CALN1: variants seen among roughly 807,000 people sequenced by gnomAD.
The protein encoded by CALN1 is calcium-binding protein 8.
CALN1 carries 17 observed loss-of-function variants against 30.6 expected under a neutral mutation model. The observed-to-expected ratio is 0.56, with a 90% confidence interval of 0.38 to 0.83. The LOEUF (loss-of-function observed/expected upper bound fraction) is 0.83. Ranked by LOEUF, CALN1 falls within the 40% of genes least tolerant of loss-of-function variation. The pLI, the probability that CALN1 is intolerant of heterozygous loss-of-function variation, is 0.00. For synonymous variants in CALN1, 156 were observed against 131.4 expected (o/e 1.19, Z -1.28); for missense variants, 291 against 354.9 (o/e 0.82, Z 1.45).
chr7:72,459,532 A>C, the CALN1 span, among the ~76,000 whole-genome samples: 1 of 151,210 alleles, frequency 6.6e-6, no homozygotes, highest in Admixed American at 6.6e-5. Context: ...AGGCTGAGGC[A>C]GGAGGATCCC....
intron 3 of CALN1, among the ~76,000 whole-genome samples, chr7:72,209,844 AG>A (rs781676467): frequency 1.3e-4 from 20 of 152,234 alleles, no homozygotes; most frequent in African/African-American, 4.1e-4. Flanking sequence ...TTCAAGGCTT[AG>A]GTTCTGTTTC....
intron 4 of CALN1, among the ~76,000 whole-genome samples, chr7:72,027,015 T>C (rs557901089): frequency 6.6e-6 from 1 of 152,254 alleles, no homozygotes; most frequent in East Asian, 1.9e-4. Context: ...AACTAAACTA[T>C]ACATTCTCAA....
chr7:71,865,254 T>C (rs2116693367), intron 5 of CALN1, among the ~76,000 whole-genome samples: 1 of 152,260 alleles, frequency 6.6e-6, no homozygotes, highest in South Asian at 2.1e-4. Flanking sequence ...GGTGCTGCCC[T>C]GTCAAGAGTG....
intron 3 of CALN1, among the ~76,000 whole-genome samples, chr7:72,182,282 G>A (rs1439733283): frequency 6.6e-6 from 1 of 151,986 alleles, no homozygotes; most frequent in Non-Finnish European, 1.5e-5. Flanking sequence ...GAAAAAAAAA[G>A]CTGGTCTAGG....
intron 4 of CALN1, among the ~76,000 whole-genome samples, chr7:72,066,689 T>C (rs532332691): frequency 1.3e-5 from 2 of 152,278 alleles, no homozygotes; most frequent in East Asian, 3.9e-4. Context: ...CACGGCTCAC[T>C]GCAGCCTTGA....
At chr7:72,473,072 G>A in the CALN1 span, among the ~76,000 whole-genome samples, 1 of 151,774 alleles carries the variant, frequency 6.6e-6, no homozygotes, top group Admixed American at 6.6e-5. Flanking sequence ...CCTGTGCTTA[G>A]CTGGGTCAGC....
At chr7:72,353,839 C>A (rs1562916071) in intron 2 of CALN1, among the ~76,000 whole-genome samples, 1 of 152,104 alleles carries the variant, frequency 6.6e-6, no homozygotes, top group Non-Finnish European at 1.5e-5. Flanking sequence ...AACAAGGTCA[C>A]AGAATACAAG....
At chr7:72,119,660 C>T (rs1808241933) in intron 3 of CALN1, among the ~76,000 whole-genome samples, 1 of 152,018 alleles carries the variant, frequency 6.6e-6, no homozygotes, top group South Asian at 2.1e-4. Context: ...CTGGGGAGGC[C>T]TTACAGTCAT....
At chr7:72,047,414 C>A (rs1055622235) in intron 4 of CALN1, among the ~76,000 whole-genome samples, 1 of 151,916 alleles carries the variant, frequency 6.6e-6, no homozygotes, top group Non-Finnish European at 1.5e-5. Context: ...ATAGCAAGAC[C>A]CCATCTCTAC....
intron 6 of CALN1, among the ~76,000 whole-genome samples, chr7:71,800,602 G>C (rs910823367): frequency 6.6e-6 from 1 of 152,132 alleles, no homozygotes; most frequent in African/African-American, 2.4e-5. Flanking sequence ...ATCTTGCTGT[G>C]CTTCTACTCG....
the CALN1 span, among the ~76,000 whole-genome samples, chr7:72,463,389 C>T: frequency 8.5e-5 from 13 of 152,116 alleles, no homozygotes; most frequent in South Asian, 2.1e-4. Flanking sequence ...GTGATCTGCC[C>T]GCCTCGGCCT....
intron 3 of CALN1, among the ~76,000 whole-genome samples, chr7:72,155,214 A>G (rs1423000012): frequency 1.3e-5 from 2 of 152,204 alleles, no homozygotes; most frequent in African/African-American, 2.4e-5. Context: ...CCAGAAACCA[A>G]TCTTGCCAAC....
intron 3 of CALN1, among the ~76,000 whole-genome samples, chr7:72,155,550 C>T (rs776910830): frequency 6.6e-6 from 1 of 151,884 alleles, no homozygotes; most frequent in Non-Finnish European, 1.5e-5. Context: ...TTTAAGCCAC[C>T]CATTCTGTGA....
At chr7:72,054,548 T>TTTACATACATATATATATAC (rs1563016041) in intron 4 of CALN1, among the ~76,000 whole-genome samples, 94 of 134,224 alleles carry the variant, frequency 7.0e-4, no homozygotes, top group African/African-American at 2.6e-3. Context: ...TATATACATA[T>TTTACATACATATATATATAC]ATATATATAT....
chr7:72,007,276 T>A (rs1258269648), intron 5 of CALN1, among the ~76,000 whole-genome samples: 2 of 152,232 alleles, frequency 1.3e-5, no homozygotes, highest in African/African-American at 4.8e-5. Context: ...CCAGGTGAAG[T>A]GGCTTGCGCT....
intron 5 of CALN1, among the ~76,000 whole-genome samples, chr7:72,020,631 T>C (rs1303661679): frequency 1.3e-5 from 2 of 152,142 alleles, no homozygotes; most frequent in Non-Finnish European, 2.9e-5. Context: ...ACTTCCAGCA[T>C]TGATTTAAAT....
intron 5 of CALN1, among the ~76,000 whole-genome samples, chr7:71,863,212 T>C (rs1347973158): frequency 6.6e-6 from 1 of 151,744 alleles, no homozygotes; most frequent in African/African-American, 2.4e-5. Context: ...TGAGCCATGA[T>C]CGCACCACTG....
At chr7:72,200,497 T>C (rs1791342076) in intron 3 of CALN1, among the ~76,000 whole-genome samples, 1 of 152,294 alleles carries the variant, frequency 6.6e-6, no homozygotes, top group South Asian at 2.1e-4. Context: ...ATCCCAAAGA[T>C]GCTTTGAGCT....
intron 3 of CALN1, among the ~76,000 whole-genome samples, chr7:72,236,079 CAAAA>C (rs11299009): frequency 5.1e-5 from 6 of 118,592 alleles, no homozygotes; most frequent in Admixed American, 1.8e-4. Flanking sequence ...CCATTCTCCA[CAAAA>C]AAAAAAAAAA....
Sources: gnomAD v4.1 joint callset for allele counts (sites outside exome capture counted in the v4.1 genomes callset) on GRCh38, gnomAD v4.1.1 for gene constraint, MANE v1.5 for transcripts, NCBI Gene and HGNC (gene_info 2026-07-23, HGNC 2026-07-21) for gene names.